The following CFAP61 variants were observed in gnomAD, a reference collection of about 807,000 sequenced individuals.
CFAP61 encodes cilia- and flagella-associated protein 61.
In CFAP61, 107 loss-of-function variants were observed where a neutral mutation model predicts 135.6. The ratio of observed to expected loss-of-function variants is 0.79; its 90% CI spans 0.67 to 0.93. CFAP61 has a LOEUF of 0.93. Among genes scored for constraint, CFAP61 ranks in the 40% least tolerant of loss-of-function variants. The pLI is 0.00. For missense variants in CFAP61, 1,507 were observed against 1,556.2 expected (o/e 0.97, Z 0.53); for synonymous variants, 575 against 578.5 (o/e 0.99, Z 0.09).
intron 8 of CFAP61, among the ~76,000 whole-genome samples, chr20:20,138,806 A>G (rs2051140399): frequency 6.6e-6 from 1 of 152,094 alleles, no homozygotes; most frequent in Non-Finnish European, 1.5e-5. Context: ...AGCACTATTT[A>G]TTGTACAGTT....
chr20:20,086,214 G>A (rs1234402736), intron 6 of CFAP61, among the ~76,000 whole-genome samples: 3 of 148,786 alleles, frequency 2.0e-5, no homozygotes, highest in Non-Finnish European at 4.4e-5. Flanking sequence ...TGTGCACAAT[G>A]TGCAGGTTTG....
chr20:20,137,924 G>A (rs1419900654), intron 8 of CFAP61, among the ~76,000 whole-genome samples: 2 of 152,124 alleles, frequency 1.3e-5, no homozygotes, highest in African/African-American at 4.8e-5. Context: ...CCTGGCTACT[G>A]CTGCTGATTA....
chr20:20,092,516 G>T (rs1354220480), intron 7 of CFAP61, among the ~76,000 whole-genome samples: 1 of 152,300 alleles, frequency 6.6e-6, no homozygotes, highest in Middle Eastern at 3.4e-3. Flanking sequence ...TTGAGGCTTT[G>T]TTCTACATCA....
rs533617457 is a variant in CFAP61 at position 20,322,537 on chromosome 20, C to G, written c.3423-19294C>G. The G allele has an allele frequency of 5.3e-4, 136 of 257,166 alleles. 1 individual carries two copies. The highest frequency in any genetic ancestry group is 3.1e-3 in the African/African-American group (133 of 43,416). 15.9% of individuals were successfully genotyped at this position (257,166 alleles called of 1,614,324 possible). On this transcript the variant is annotated intron_variant, in intron 25 of 26. Coordinates refer to ENST00000245957, the MANE Select transcript of CFAP61 (RefSeq NM_015585.4). ...ACTCTTGACCTCCTGTATCTAAGCC[C>G]CCTTCTCAATTCTTGTTCTCCCACA...
At chr20:20,213,314 CA>C (rs2047798439) in intron 17 of CFAP61, among the ~76,000 whole-genome samples, 1 of 152,188 alleles carries the variant, frequency 6.6e-6, no homozygotes, top group Non-Finnish European at 1.5e-5. Flanking sequence ...CAAACCCTCC[CA>C]TTTTTAACCT....
At chr20:20,285,862 A>G (rs1222712234) in intron 22 of CFAP61, among the ~76,000 whole-genome samples, 1 of 151,304 alleles carries the variant, frequency 6.6e-6, no homozygotes, top group East Asian at 2.0e-4. Flanking sequence ...TCAAGGCTGC[A>G]GTAAGCTGAG....
At chr20:20,202,059 T>G (rs1327621013) in intron 17 of CFAP61, among the ~76,000 whole-genome samples, 1 of 139,484 alleles carries the variant, frequency 7.2e-6, no homozygotes, top group Non-Finnish European at 1.5e-5. Context: ...AGAGAGAACA[T>G]TTTATTTCAT....
chr20:20,189,691 G>T (rs982014155), intron 14 of CFAP61, among the ~76,000 whole-genome samples: 2 of 152,222 alleles, frequency 1.3e-5, no homozygotes, highest in Non-Finnish European at 2.9e-5. Context: ...CTAAATGCTG[G>T]CAAGGATGTG....
chr20:20,071,017 A>G lies in CFAP61; in HGVS notation c.294+13A>G. ...CATCCCATGCACAGTAAGAAATCAC[A>G]TACAGTGCTTGTTAGAACACCCTGA... On this transcript the variant is annotated intron_variant, in intron 3 of 26. Coordinates refer to ENST00000245957, the MANE Select transcript of CFAP61 (RefSeq NM_015585.4). 1 of 1,611,302 alleles carries G rather than the reference A, an allele frequency of 6.2e-7. No individual in the cohort carries two copies. Among genetic ancestry groups the G allele is most frequent in the Non-Finnish European group, 8.5e-7 (1 of 1,178,682 alleles).
At chr20:20,244,371 TC>T (rs2050266871) in intron 18 of CFAP61, among the ~76,000 whole-genome samples, 1 of 152,208 alleles carries the variant, frequency 6.6e-6, no homozygotes, top group Non-Finnish European at 1.5e-5. Context: ...TCCTCCGACA[TC>T]TAAGTGGAGG....
intron 17 of CFAP61, among the ~76,000 whole-genome samples, chr20:20,208,876 C>G (rs2047426445): frequency 6.6e-6 from 1 of 152,198 alleles, no homozygotes; most frequent in Non-Finnish European, 1.5e-5. Flanking sequence ...TTGGAGGGCT[C>G]CCAAACCCTT....
chr20:20,054,448 C>A (rs960363082), intron 1 of CFAP61, among the ~76,000 whole-genome samples: 1 of 152,034 alleles, frequency 6.6e-6, no homozygotes, highest in African/African-American at 2.4e-5. Flanking sequence ...TACACACACA[C>A]ATTTTACATT....
chr20:20,118,700 T>G (rs1481144937), intron 8 of CFAP61, among the ~76,000 whole-genome samples: 1 of 152,186 alleles, frequency 6.6e-6, no homozygotes, highest in Non-Finnish European at 1.5e-5. Context: ...AAAGGGATGC[T>G]GACTTTTATT....
At chr20:20,313,168 ACTCTCT>A (rs1162057465) in intron 25 of CFAP61, among the ~76,000 whole-genome samples, 2 of 151,928 alleles carry the variant, frequency 1.3e-5, no homozygotes, top group East Asian at 1.9e-4. Context: ...GACAGATGTC[ACTCTCT>A]CTCTGTCTCT....
chr20:20,175,494 GTT>G (rs1425048160), intron 13 of CFAP61, among the ~76,000 whole-genome samples: 1 of 1,952 alleles, frequency 5.1e-4, no homozygotes, highest in Non-Finnish European at 2.5e-3. Flanking sequence ...TTTTGTTTTT[GTT>G]TTGTTTTGTT....
chr20:20,056,810 T>C lies in CFAP61; in HGVS notation c.143+14T>C, dbSNP rs148147458. On this transcript the variant is annotated intron_variant, in intron 2 of 26. Coordinates refer to ENST00000245957, the MANE Select transcript of CFAP61 (RefSeq NM_015585.4). ...CATCTATCTTCTGTAAGTAGATAAC[T>C]AAGTTCAAGAATGTTCATCAATTTT... 15,797 of 1,613,266 alleles carry C rather than the reference T, an allele frequency of 9.8e-3. 99 individuals are homozygous for C. Among genetic ancestry groups the C allele is most frequent in the Non-Finnish European group, 0.012 (14,577 of 1,179,416 alleles).
chr20:20,084,674 A>G (rs1192834751), intron 6 of CFAP61, among the ~76,000 whole-genome samples: 2 of 152,138 alleles, frequency 1.3e-5, no homozygotes, highest in African/African-American at 4.8e-5. Context: ...CATGTTCTGG[A>G]TGTCGCGGTG....
At chr20:20,053,812 A>C (rs979731896) in intron 1 of CFAP61, among the ~76,000 whole-genome samples, 1 of 152,174 alleles carries the variant, frequency 6.6e-6, no homozygotes, top group African/African-American at 2.4e-5. Context: ...AATATTAAAA[A>C]GATGTTTCTT....
chr20:20,062,268 C>T (rs1004047854), intron 2 of CFAP61, among the ~76,000 whole-genome samples: 1 of 152,104 alleles, frequency 6.6e-6, no homozygotes, highest in Non-Finnish European at 1.5e-5. Flanking sequence ...CAACAGATAC[C>T]CCTACTGTAC....
Sources: allele counts gnomAD v4.1 joint callset (sites outside exome capture counted in the v4.1 genomes callset), GRCh38; gene constraint gnomAD v4.1.1; transcripts MANE v1.5; gene names NCBI Gene and HGNC (gene_info 2026-07-23, HGNC 2026-07-21).